The following KAZN variants were observed in gnomAD, a reference collection of about 807,000 sequenced individuals.
The protein encoded by KAZN is kazrin.
KAZN carries 40 observed loss-of-function variants against 87.4 expected under a neutral mutation model. That is an observed-to-expected ratio of 0.46 (90% confidence interval 0.36 to 0.60). The LOEUF (loss-of-function observed/expected upper bound fraction) is 0.60. Ranked by LOEUF, KAZN falls within the 20% of genes least tolerant of loss-of-function variation. KAZN has a pLI of 0.00. For missense variants in KAZN, 898 were observed against 1,073.9 expected (o/e 0.84, Z 2.29); for synonymous variants, 466 against 458.3 (o/e 1.02, Z -0.22).
intron 1 of KAZN, among the ~76,000 whole-genome samples, chr1:13,994,379 T>G (rs1639415677): frequency 6.6e-6 from 1 of 152,242 alleles, no homozygotes; most frequent in Admixed American, 6.5e-5. Context: ...TCATGTCTTT[T>G]GCACCAATTC....
intron 2 of KAZN, among the ~76,000 whole-genome samples, chr1:14,551,493 G>A (rs1673517328): frequency 1.3e-5 from 2 of 152,102 alleles, no homozygotes; most frequent in African/African-American, 4.8e-5. Flanking sequence ...TGTGCACACC[G>A]GGCCTGGTAC....
intron 1 of KAZN, among the ~76,000 whole-genome samples, chr1:14,955,836 T>A (rs1572913548): frequency 6.6e-6 from 1 of 152,194 alleles, no homozygotes. Flanking sequence ...CTCCCTCCTG[T>A]GCAGTGCTCA....
At chr1:14,051,433 C>T (rs756663456) in intron 1 of KAZN, among the ~76,000 whole-genome samples, 15 of 152,048 alleles carry the variant, frequency 9.9e-5, no homozygotes, top group South Asian at 6.2e-4. Flanking sequence ...TCATCTACCA[C>T]GCCTGCTCTC....
chr1:13,994,986 G>T (rs1014211862), intron 1 of KAZN, among the ~76,000 whole-genome samples: 5 of 152,146 alleles, frequency 3.3e-5, no homozygotes, highest in African/African-American at 4.8e-5. Flanking sequence ...AGACTCATGG[G>T]CATAATGAAA....
chr1:14,195,318 C>T (rs1646504741), intron 2 of KAZN, among the ~76,000 whole-genome samples: 1 of 152,052 alleles, frequency 6.6e-6, no homozygotes, highest in Non-Finnish European at 1.5e-5. Context: ...CCTTCTTTAT[C>T]TTCTAGGACC....
intron 1 of KAZN, among the ~76,000 whole-genome samples, chr1:14,936,801 C>A (rs1572871003): frequency 6.6e-6 from 1 of 152,164 alleles, no homozygotes; most frequent in Non-Finnish European, 1.5e-5. Flanking sequence ...CACCCTGTCC[C>A]CAGATGCGAC....
At chr1:14,375,118 A>G (rs1660793605) in intron 2 of KAZN, among the ~76,000 whole-genome samples, 1 of 152,206 alleles carries the variant, frequency 6.6e-6, no homozygotes, top group Non-Finnish European at 1.5e-5. Context: ...AATGACCTCT[A>G]TTGAAGGTCA....
intron 1 of KAZN, among the ~76,000 whole-genome samples, chr1:14,638,723 C>T (rs1217897079): frequency 1.3e-5 from 2 of 152,002 alleles, no homozygotes; most frequent in South Asian, 2.1e-4. Context: ...GCCGCTAGAA[C>T]GGGTCTTGCC....
At chr1:14,327,734 A>G (rs939820919) in intron 2 of KAZN, among the ~76,000 whole-genome samples, 2 of 152,194 alleles carry the variant, frequency 1.3e-5, no homozygotes, top group South Asian at 2.1e-4. Context: ...CTGTTTACTC[A>G]AAGAGAATGG....
chr1:14,491,578 C>T (rs542682080), intron 2 of KAZN, among the ~76,000 whole-genome samples: 1 of 152,248 alleles, frequency 6.6e-6, no homozygotes, highest in African/African-American at 2.4e-5. Context: ...CTGTATTCAC[C>T]ATTAAATATG....
At chr1:14,612,019 G>A (rs893225076) in intron 1 of KAZN, among the ~76,000 whole-genome samples, 3 of 152,178 alleles carry the variant, frequency 2.0e-5, no homozygotes, top group Admixed American at 6.5e-5. Context: ...GTAGCTCTGA[G>A]GTGATCATTT....
chr1:14,327,325 C>A (rs912370126), intron 2 of KAZN, among the ~76,000 whole-genome samples: 9 of 152,118 alleles, frequency 5.9e-5, no homozygotes, highest in Non-Finnish European at 1.3e-4. Context: ...GACCACACAC[C>A]TCCTGAGCCC....
At chr1:14,514,396 T>TATTATATATA (rs1195845495) in intron 2 of KAZN, among the ~76,000 whole-genome samples, 1 of 11,260 alleles carries the variant, frequency 8.9e-5, no homozygotes, top group African/African-American at 3.0e-4. Context: ...ATTATATATA[T>TATTATATATA]TTATATATAT....
At chr1:14,311,948 A>G (rs2100813871) in intron 2 of KAZN, among the ~76,000 whole-genome samples, 1 of 152,288 alleles carries the variant, frequency 6.6e-6, no homozygotes, top group Middle Eastern at 3.4e-3. Flanking sequence ...CAAAAAGTAA[A>G]TCAAGGCCCT....
chr1:14,944,821 C>G (rs752867628), intron 1 of KAZN, among the ~76,000 whole-genome samples: 23 of 152,254 alleles, frequency 1.5e-4, no homozygotes, highest in Non-Finnish European at 2.8e-4. Context: ...TTGTCAATAT[C>G]AGCAATATCA....
chr1:14,930,253 G>A (rs926355130), intron 1 of KAZN, among the ~76,000 whole-genome samples: 2 of 152,166 alleles, frequency 1.3e-5, no homozygotes, highest in Non-Finnish European at 2.9e-5. Flanking sequence ...TCTTGGATTC[G>A]GAGGCTGGCT....
intron 2 of KAZN, among the ~76,000 whole-genome samples, chr1:15,016,186 C>T (rs1670079461): frequency 6.6e-6 from 1 of 152,208 alleles, no homozygotes; most frequent in African/African-American, 2.4e-5. Context: ...CGACGGACGC[C>T]AGGGACTGTG....
In KAZN at chr1:14,726,404, C is replaced by T. The variant is rs529773581; in HGVS notation, c.226+127181C>T. On this transcript the variant is annotated intron_variant, in intron 1 of 14. Coordinates refer to ENST00000376030, the MANE Select transcript of KAZN (RefSeq NM_201628.3). ...CCAGAAGGAAGCGTCCCCTGGGAGA[C>T]GCGTTCCCAGCATCTCAGCAGGTGT... Among the ~76,000 whole-genome samples the T allele has an allele frequency of 7.2e-5, 11 of 152,340 alleles. No homozygotes were observed. The South Asian group carries it at 1.9e-3, about 26-fold the overall frequency.
At chr1:14,262,396 G>A (rs1478746525) in intron 2 of KAZN, among the ~76,000 whole-genome samples, 3 of 152,170 alleles carry the variant, frequency 2.0e-5, no homozygotes, top group East Asian at 1.9e-4. Flanking sequence ...TTTAAAAGCC[G>A]TAATTGCCAA....
Sources: allele counts gnomAD v4.1 joint callset (sites outside exome capture counted in the v4.1 genomes callset), GRCh38; gene constraint gnomAD v4.1.1; transcripts MANE v1.5; gene names NCBI Gene and HGNC (gene_info 2026-07-23, HGNC 2026-07-21).